NAALADL2: variants seen among roughly 807,000 people sequenced by gnomAD.
NAALADL2 encodes N-acetylated alpha-linked acidic dipeptidase like 2.
Under a neutral mutation model 87.2 loss-of-function variants are expected in NAALADL2, and 76 were observed. That is an observed-to-expected ratio of 0.87 (90% confidence interval 0.72 to 1.05). The LOEUF is 1.05. NAALADL2 is among the 50% of genes least tolerant of loss of function. The pLI is 0.00. For synonymous variants in NAALADL2, 354 were observed against 331.0 expected (o/e 1.07, Z -0.75); for missense variants, 1,089 against 945.8 (o/e 1.15, Z -1.99).
chr3:175,179,541 C>A (rs1736168288), intron 2 of NAALADL2, among the ~76,000 whole-genome samples: 1 of 151,916 alleles, frequency 6.6e-6, no homozygotes, highest in Non-Finnish European at 1.5e-5. Context: ...AAGATACTTG[C>A]TTATTTTATT....
intron 3 of NAALADL2, among the ~76,000 whole-genome samples, chr3:174,797,492 T>G (rs1286861492): frequency 6.6e-6 from 1 of 151,598 alleles, no homozygotes; most frequent in Non-Finnish European, 1.5e-5. Context: ...TGTATTTTTC[T>G]TTTTAGGAGA....
At chr3:174,793,257 A>G (rs1342438819) in intron 3 of NAALADL2, among the ~76,000 whole-genome samples, 2 of 152,212 alleles carry the variant, frequency 1.3e-5, no homozygotes, top group Non-Finnish European at 1.5e-5. Flanking sequence ...AATACTCTCT[A>G]TTGGGGTTCA....
chr3:174,793,662 A>G (rs983078392), intron 3 of NAALADL2, among the ~76,000 whole-genome samples: 1 of 152,138 alleles, frequency 6.6e-6, no homozygotes, highest in South Asian at 2.1e-4. Context: ...AAACAGGACA[A>G]AAGTCTAAGT....
At chr3:175,212,093 A>T (rs1310559398) in intron 2 of NAALADL2, among the ~76,000 whole-genome samples, 1 of 152,074 alleles carries the variant, frequency 6.6e-6, no homozygotes, top group Non-Finnish European at 1.5e-5. Flanking sequence ...AATTTAAATG[A>T]CACTTTATTA....
chr3:175,697,412 C>A (rs567512108), intron 11 of NAALADL2, among the ~76,000 whole-genome samples: 4 of 151,336 alleles, frequency 2.6e-5, no homozygotes, highest in Admixed American at 2.6e-4. Flanking sequence ...CACACACACA[C>A]ACACACACAC....
chr3:175,674,456 G>C (rs1016145222), intron 11 of NAALADL2, among the ~76,000 whole-genome samples: 1 of 151,828 alleles, frequency 6.6e-6, no homozygotes, highest in African/African-American at 2.4e-5. Context: ...AGTAGAGAAG[G>C]GGTTTCACCA....
At chr3:175,194,486 A>AC (rs903059030) in intron 2 of NAALADL2, among the ~76,000 whole-genome samples, 39 of 151,990 alleles carry the variant, frequency 2.6e-4, no homozygotes, top group African/African-American at 9.4e-4. Context: ...TGTCACATCA[A>AC]TTTTAATGAA....
At chr3:174,769,851 C>G (rs1483258735) in intron 3 of NAALADL2, among the ~76,000 whole-genome samples, 1 of 151,218 alleles carries the variant, frequency 6.6e-6, no homozygotes, top group Non-Finnish European at 1.5e-5. Context: ...AGATCTAAAC[C>G]CTGTTGCCTG....
At chr3:174,529,961 T>G (rs1292415093) in intron 1 of NAALADL2, among the ~76,000 whole-genome samples, 1 of 152,220 alleles carries the variant, frequency 6.6e-6, no homozygotes, top group East Asian at 1.9e-4. Context: ...CCCCATTGTC[T>G]TGGTGATTAA....
At chr3:175,042,284 A>G (rs1275081659) in intron 1 of NAALADL2, among the ~76,000 whole-genome samples, 3 of 152,082 alleles carry the variant, frequency 2.0e-5, no homozygotes, top group Non-Finnish European at 4.4e-5. Context: ...TTTACTATAT[A>G]TATAGCCTGT....
intron 1 of NAALADL2, among the ~76,000 whole-genome samples, chr3:174,912,378 T>C (rs1416422522): frequency 6.6e-6 from 1 of 151,536 alleles, no homozygotes; most frequent in African/African-American, 2.4e-5. Context: ...CTGAGGTAAC[T>C]GTTTTTCTCC....
At chr3:174,961,106 A>G (rs1291940403) in intron 1 of NAALADL2, among the ~76,000 whole-genome samples, 1 of 148,012 alleles carries the variant, frequency 6.8e-6, no homozygotes, top group Non-Finnish European at 1.5e-5. Context: ...ATAATATATA[A>G]CATAATGATA....
At chr3:175,650,134 T>C (rs1480830238) in intron 11 of NAALADL2, among the ~76,000 whole-genome samples, 1 of 141,588 alleles carries the variant, frequency 7.1e-6, no homozygotes, top group African/African-American at 2.6e-5. Context: ...TCCATGCAAA[T>C]AATAAAAAGA....
At chr3:175,798,966 A>G (rs1485110205) in intron 13 of NAALADL2, among the ~76,000 whole-genome samples, 2 of 152,052 alleles carry the variant, frequency 1.3e-5, no homozygotes, top group Admixed American at 6.6e-5. Flanking sequence ...AAAAGTCATT[A>G]TAACAGTCTA....
intron 1 of NAALADL2, among the ~76,000 whole-genome samples, chr3:174,977,400 C>T (rs1274528208): frequency 6.6e-6 from 1 of 152,204 alleles, no homozygotes; most frequent in East Asian, 1.9e-4. Flanking sequence ...ACTGCGATTA[C>T]AGGCATGAGC....
chr3:175,749,819 G>A (rs181712133), intron 12 of NAALADL2, among the ~76,000 whole-genome samples: 119 of 152,258 alleles, frequency 7.8e-4, no homozygotes, highest in Non-Finnish European at 1.3e-3. Flanking sequence ...GGATACAGTC[G>A]TTACTGTAGT....
At chr3:174,688,499 A>C (rs1181336890) in intron 2 of NAALADL2, among the ~76,000 whole-genome samples, 1 of 152,058 alleles carries the variant, frequency 6.6e-6, no homozygotes, top group African/African-American at 2.4e-5. Flanking sequence ...TGAGCTTTAA[A>C]TGAGTTAATA....
chr3:175,663,615 T>C (rs1404339755), intron 11 of NAALADL2, among the ~76,000 whole-genome samples: 4 of 151,834 alleles, frequency 2.6e-5, no homozygotes, highest in South Asian at 2.1e-4. Flanking sequence ...TTTTGTATCA[T>C]GAAAAAGAAT....
chr3:174,462,726 A>G (rs1716288035), intron 1 of NAALADL2, among the ~76,000 whole-genome samples: 1 of 152,212 alleles, frequency 6.6e-6, no homozygotes, highest in South Asian at 2.1e-4. Flanking sequence ...TGAAAGGACC[A>G]TTTAAACAAG....
Sources: gnomAD v4.1 joint callset for allele counts (sites outside exome capture counted in the v4.1 genomes callset) on GRCh38, gnomAD v4.1.1 for gene constraint, MANE v1.5 for transcripts, NCBI Gene and HGNC (gene_info 2026-07-23, HGNC 2026-07-21) for gene names.